Variants in TG observed in about 807,000 individuals in gnomAD.
TG encodes the protein thyroid hormones.
TG carries 270 observed loss-of-function variants against 324.7 expected under a neutral mutation model. The ratio of observed to expected loss-of-function variants is 0.83; its 90% confidence interval spans 0.75 to 0.92. The LOEUF (loss-of-function observed/expected upper bound fraction) is 0.92, where lower values mean the gene tolerates loss of function less well. TG is among the 40% of genes least tolerant of loss of function. TG has a pLI of 0.00. For synonymous variants in TG, 1,401 were observed against 1,327.0 expected (o/e 1.06, Z -1.21); for missense variants, 3,591 against 3,456.4 (o/e 1.04, Z -0.98).
intron 41 of TG, among the ~76,000 whole-genome samples, chr8:133,058,873 A>G (rs1841939476): frequency 6.6e-6 from 1 of 152,132 alleles, no homozygotes; most frequent in Admixed American, 6.5e-5. Context: ...GAGTTACTTC[A>G]CTAGATAAAT....
chr8:133,013,456 T>C, intron 36 of TG, 144 bp from the exon 37 acceptor site: 1 of 984,562 alleles, frequency 1.0e-6, no homozygotes, highest in Non-Finnish European at 1.6e-6. Context: ...GATAGACGGA[T>C]GGATTCATGG....
chr8:132,957,063 ATTCT>A (rs1416565400), intron 27 of TG, among the ~76,000 whole-genome samples: 1 of 152,058 alleles, frequency 6.6e-6, no homozygotes, highest in African/African-American at 2.4e-5. Context: ...GAAGGGAAAC[ATTCT>A]TTCTTTTACC....
intron 41 of TG, chr8:133,076,217 A>T (rs907390657): frequency 2.0e-5 from 3 of 152,202 alleles, no homozygotes; most frequent in Non-Finnish European, 4.4e-5. Flanking sequence ...CAGAGACTTG[A>T]GTGATCTGTC....
intron 35 of TG, among the ~76,000 whole-genome samples, chr8:133,004,274 G>T (rs560977174): frequency 6.6e-6 from 1 of 152,194 alleles, no homozygotes; most frequent in Admixed American, 6.5e-5. Context: ...GCTGTATAAG[G>T]GCTGGGAAGG....
At chr8:133,068,112 G>A (rs894479764) in intron 41 of TG, among the ~76,000 whole-genome samples, 1 of 152,192 alleles carries the variant, frequency 6.6e-6, no homozygotes, top group Non-Finnish European at 1.5e-5. Context: ...CACTTGAAAA[G>A]TAGCAACTCA....
rs768045651 is a variant in TG at position 133,017,836 on chromosome 8, C to A, written c.6621C>A (p.Gly2207=). The change falls in exon 38 of 48, where the codon GGC becomes GGA. Residue 2207 remains glycine (G), a synonymous_variant. Transcript: ENST00000220616. Reference sequence around the variant, plus strand: ...CTTCTGTGCCCATTTCCACCCATGGCCGGCTGCTGGGCAGGTCCCAGGCCA... The same window carrying A: ...CTTCTGTGCCCATTTCCACCCATGGACGGCTGCTGGGCAGGTCCCAGGCCA... ...SVPSVPISTH[G]RLLGRSQAIQ... The A allele has an allele frequency of 1.2e-6, 2 of 1,614,186 alleles. No individual in the cohort carries two copies. Among genetic ancestry groups the A allele is most frequent in the East Asian group, 2.2e-5 (1 of 44,876 alleles).
At chr8:132,936,620 C>T (rs1255662791) in intron 25 of TG, among the ~76,000 whole-genome samples, 1 of 152,182 alleles carries the variant, frequency 6.6e-6, no homozygotes, top group Non-Finnish European at 1.5e-5. Context: ...GATTCCAATC[C>T]CCATGTACAC....
intron 35 of TG, chr8:132,994,887 G>T (rs1832723894): frequency 8.3e-6 from 10 of 1,210,590 alleles, no homozygotes; most frequent in Middle Eastern, 3.4e-4. Context: ...GTAAGATTGA[G>T]GTAATGAGCT....
At chr8:132,893,506 CAGTGTGTGTGAGGGGGTGGTGTGTA>C (rs1563920025) in intron 10 of TG, among the ~76,000 whole-genome samples, 159 bp from the exon 11 acceptor site, 2 of 56,694 alleles carry the variant, frequency 3.5e-5, no homozygotes, top group African/African-American at 1.5e-4. Flanking sequence ...TGGTGTGTAT[CAGTGTGTGTGAGGGGGTGGTGTGTA>C]TGTGTGTGGT....
intron 41 of TG, among the ~76,000 whole-genome samples, chr8:133,060,994 G>A (rs918238871): frequency 2.8e-4 from 43 of 151,198 alleles, no homozygotes; most frequent in African/African-American, 1.0e-3. Flanking sequence ...AGATGACTTC[G>A]GGCAAGTCAT....
intron 45 of TG, among the ~76,000 whole-genome samples, chr8:133,118,618 C>T (rs1254378235): frequency 2.0e-5 from 3 of 152,148 alleles, no homozygotes; most frequent in African/African-American, 7.2e-5. Context: ...AGCCACTGTA[C>T]CTGGCCCTGA....
At chr8:132,978,757 C>G (rs1027892424) in intron 34 of TG, among the ~76,000 whole-genome samples, 3 of 152,122 alleles carry the variant, frequency 2.0e-5, no homozygotes, top group African/African-American at 7.2e-5. Flanking sequence ...GTAGCATGTC[C>G]CTGCCCTTAC....
intron 41 of TG, among the ~76,000 whole-genome samples, chr8:133,088,079 C>A (rs1846891264): frequency 6.6e-6 from 1 of 152,136 alleles, no homozygotes; most frequent in Admixed American, 6.5e-5. Flanking sequence ...TTTAAAGGAG[C>A]CAATAGAGGC....
intron 35 of TG, among the ~76,000 whole-genome samples, chr8:132,987,721 G>GGTGTGTGTGGT (rs1831742829): frequency 6.7e-6 from 1 of 149,770 alleles, no homozygotes; most frequent in Non-Finnish European, 1.5e-5. Flanking sequence ...GTGTGTGTGT[G>GGTGTGTGTGGT]GTGTGTGTGT....
At chr8:133,105,981 A>G (rs1330500343) in intron 43 of TG, among the ~76,000 whole-genome samples, 4 of 152,084 alleles carry the variant, frequency 2.6e-5, no homozygotes, top group South Asian at 4.1e-4. Context: ...CCATGTAGAC[A>G]TGCTCTTGGA....
Position 132,967,852 on chromosome 8 carries a change from G to A in TG, c.5745G>A (p.Leu1915=), listed in dbSNP as rs1327644984. ...QLAEITESAS[L]YFTCTLYPEA... ...CAGAGATAACAGAGAGTGCATCCTT[G>A]TACTTCACCTGCACCCTCTACCCAG... Residue 1915 remains leucine (L), a synonymous_variant, in exon 31 of 48, where the codon TTG becomes TTA. Transcript: ENST00000220616. 3 of 1,614,000 alleles carry A rather than the reference G, an allele frequency of 1.9e-6. No individual in the cohort carries two copies. The highest frequency in any genetic ancestry group is 2.7e-5 in the African/African-American group (2 of 75,026).
intron 25 of TG, 50 bp downstream of exon 25, chr8:132,935,914 C>A (rs1333433991): frequency 1.4e-6 from 2 of 1,445,580 alleles, no homozygotes; most frequent in South Asian, 1.2e-5. Context: ...TTCACACGGT[C>A]ATGTTTGGAG....
intron 25 of TG, among the ~76,000 whole-genome samples, chr8:132,937,413 T>G (rs1260968872): frequency 1.3e-5 from 2 of 152,226 alleles, no homozygotes; most frequent in Non-Finnish European, 2.9e-5. Context: ...TTTCACCTAA[T>G]GCCTTCATCC....
At chr8:132,952,293 C>G (rs1342326230) in intron 27 of TG, among the ~76,000 whole-genome samples, 1 of 152,176 alleles carries the variant, frequency 6.6e-6, no homozygotes, top group African/African-American at 2.4e-5. Flanking sequence ...AGATACGGCA[C>G]AAGGGCTGGG....
Sources: allele counts gnomAD v4.1 joint callset (sites outside exome capture counted in the v4.1 genomes callset), GRCh38; gene constraint gnomAD v4.1.1; transcripts MANE v1.5; gene names NCBI Gene and HGNC (gene_info 2026-07-23, HGNC 2026-07-21).